The following PTPRM variants were observed in gnomAD, a reference collection of about 807,000 sequenced individuals.
PTPRM encodes receptor-type tyrosine-protein phosphatase mu.
Under a neutral mutation model 186.7 loss-of-function variants are expected in PTPRM, and 47 were observed. The ratio of observed to expected loss-of-function variants is 0.25; its 90% CI spans 0.20 to 0.32. The LOEUF is 0.32. Among genes scored for constraint, PTPRM ranks in the 10% least tolerant of loss-of-function variants. PTPRM has a pLI of 1.00. For synonymous variants in PTPRM, 668 were observed against 674.9 expected (o/e 0.99, Z 0.16); for missense variants, 1,494 against 1,865.0 (o/e 0.80, Z 3.66).
intron 19 of PTPRM, chr18:8,270,058 C>G (rs1267134245): frequency 6.6e-6 from 1 of 151,740 alleles, no homozygotes; most frequent in Non-Finnish European, 1.5e-5. Flanking sequence ...AAGACATAAG[C>G]AACAAAACCA....
chr18:8,181,275 C>A (rs567749964), intron 14 of PTPRM, among the ~76,000 whole-genome samples: 1 of 152,236 alleles, frequency 6.6e-6, no homozygotes, highest in South Asian at 2.1e-4. Flanking sequence ...CAAGTGTACC[C>A]CGTCTTTTTT....
At chr18:7,773,585 T>TTG (rs2042434997) in intron 1 of PTPRM, among the ~76,000 whole-genome samples, 1 of 133,170 alleles carries the variant, frequency 7.5e-6, no homozygotes, top group Non-Finnish European at 1.6e-5. Context: ...TTTTTTTTTT[T>TTG]TTTGTTTGTT....
At chr18:7,890,030 G>A (rs2048989335) in intron 3 of PTPRM, among the ~76,000 whole-genome samples, 1 of 152,224 alleles carries the variant, frequency 6.6e-6, no homozygotes, top group Admixed American at 6.5e-5. Flanking sequence ...TGACACAAGA[G>A]CATCCTAACT....
intron 1 of PTPRM, among the ~76,000 whole-genome samples, chr18:7,617,963 G>A (rs2037847136): frequency 6.6e-6 from 1 of 152,162 alleles, no homozygotes; most frequent in Admixed American, 6.5e-5. Flanking sequence ...ATTAGCTGTT[G>A]GAATGAGGAG....
At chr18:7,904,560 T>C (rs2049877045) in intron 3 of PTPRM, among the ~76,000 whole-genome samples, 1 of 152,218 alleles carries the variant, frequency 6.6e-6, no homozygotes, top group Non-Finnish European at 1.5e-5. Context: ...ACCATAGCTA[T>C]CGGGAAGTTC....
intron 3 of PTPRM, among the ~76,000 whole-genome samples, chr18:7,898,895 A>T (rs1013615118): frequency 1.4e-4 from 21 of 152,238 alleles, no homozygotes; most frequent in African/African-American, 5.1e-4. Context: ...AACTACTTCT[A>T]TAGGAAATAT....
chr18:8,403,064 T>G (rs937387260), intron 32 of PTPRM: 7 of 152,154 alleles, frequency 4.6e-5, no homozygotes, highest in Admixed American at 6.5e-5. Context: ...ACCCCCTGTT[T>G]TATGACCAGA....
At chr18:8,206,538 G>A (rs1242245362) in intron 14 of PTPRM, among the ~76,000 whole-genome samples, 3 of 152,184 alleles carry the variant, frequency 2.0e-5, no homozygotes, top group East Asian at 1.9e-4. Context: ...GTGAACCACC[G>A]CGCCTGGCCC....
intron 12 of PTPRM, 36 bp from the exon 13 acceptor site, chr18:8,114,755 T>C: frequency 1.9e-6 from 3 of 1,545,850 alleles, no homozygotes; most frequent in South Asian, 2.3e-5. Context: ...AAAGAAAACA[T>C]GAATAATGAT....
chr18:7,889,282 G>C (rs1020817669), intron 3 of PTPRM, among the ~76,000 whole-genome samples: 4 of 151,536 alleles, frequency 2.6e-5, no homozygotes, highest in Admixed American at 6.6e-5. Context: ...TCACTTGTAG[G>C]AGGGCAAGAA....
intron 1 of PTPRM, among the ~76,000 whole-genome samples, chr18:7,664,524 G>T (rs1482540930): frequency 6.6e-6 from 1 of 152,180 alleles, no homozygotes; most frequent in Non-Finnish European, 1.5e-5. Context: ...GTGGGCTGGT[G>T]CTGGCTGTTG....
intron 19 of PTPRM, among the ~76,000 whole-genome samples, chr18:8,289,084 G>C (rs546786595): frequency 6.6e-6 from 1 of 152,252 alleles, no homozygotes; most frequent in East Asian, 1.9e-4. Flanking sequence ...GGCGCACTAA[G>C]TTCAGAGTGG....
intron 7 of PTPRM, among the ~76,000 whole-genome samples, chr18:8,054,298 A>AAT (rs34903203): frequency 0.013 from 1,746 of 131,644 alleles, 30 homozygotes; most frequent in East Asian, 0.035. Context: ...TAGTAGTAGT[A>AAT]ATATATATAT....
At chr18:7,593,009 C>T (rs1490208972) in intron 1 of PTPRM, among the ~76,000 whole-genome samples, 1 of 152,156 alleles carries the variant, frequency 6.6e-6, no homozygotes, top group South Asian at 2.1e-4. Flanking sequence ...TCTTCTGTTC[C>T]TTTCAGATTT....
At chr18:7,793,957 C>T (rs549734885) in intron 2 of PTPRM, among the ~76,000 whole-genome samples, 14 of 152,276 alleles carry the variant, frequency 9.2e-5, no homozygotes, top group African/African-American at 2.9e-4. Context: ...AAGAGCACAC[C>T]ACCAGACACT....
At chr18:7,673,856 T>G (rs1027364211) in intron 1 of PTPRM, among the ~76,000 whole-genome samples, 3 of 152,164 alleles carry the variant, frequency 2.0e-5, no homozygotes, top group Non-Finnish European at 2.9e-5. Flanking sequence ...TGAGGGACAC[T>G]GGGGTGAGCC....
chr18:8,076,262 T>A (rs1045316495), intron 8 of PTPRM, among the ~76,000 whole-genome samples, 193 bp from the exon 9 acceptor site: 2 of 152,034 alleles, frequency 1.3e-5, no homozygotes, highest in Non-Finnish European at 2.9e-5. Flanking sequence ...AGAAAAAAAA[T>A]GATAAAGTTA....
intron 3 of PTPRM, among the ~76,000 whole-genome samples, chr18:7,899,448 G>T (rs1166347411): frequency 6.6e-6 from 1 of 152,110 alleles, no homozygotes; most frequent in Non-Finnish European, 1.5e-5. Context: ...AGGATTGACT[G>T]TATTTTCTGT....
chr18:8,158,067 C>T (rs909021536), intron 14 of PTPRM, among the ~76,000 whole-genome samples: 1 of 152,238 alleles, frequency 6.6e-6, no homozygotes, highest in African/African-American at 2.4e-5. Context: ...TCTCACCAGC[C>T]ATCTCAGGGC....
Sources: allele counts gnomAD v4.1 joint callset (sites outside exome capture counted in the v4.1 genomes callset), GRCh38; gene constraint gnomAD v4.1.1; transcripts MANE v1.5; gene names NCBI Gene and HGNC (gene_info 2026-07-23, HGNC 2026-07-21).